The following MEGF9 variants were observed in gnomAD, a reference collection of about 807,000 sequenced individuals.
The protein encoded by MEGF9 is multiple epidermal growth factor-like domains protein 9.
In MEGF9, 6 loss-of-function variants were observed where a neutral mutation model predicts 46.8. The ratio of observed to expected loss-of-function variants is 0.13; its 90% CI spans 0.07 to 0.25. The LOEUF (loss-of-function observed/expected upper bound fraction) is 0.25, where lower values mean the gene tolerates loss of function less well. Ranked by LOEUF, MEGF9 falls within the 10% of genes least tolerant of loss-of-function variation. MEGF9 has a pLI of 1.00. For missense variants in MEGF9, 683 were observed against 792.4 expected, an observed-to-expected ratio of 0.86 and a Z score of 1.66; for synonymous variants, 302 against 330.7, an observed-to-expected ratio of 0.91 and a Z score of 0.94.
At chr9:120,606,729 T>C (rs958505980) in intron 5 of MEGF9, among the ~76,000 whole-genome samples, 6 of 152,280 alleles carry the variant, frequency 3.9e-5, no homozygotes, top group Non-Finnish European at 7.4e-5. Flanking sequence ...TTAAATGAAA[T>C]AATATACTAC....
At chr9:120,678,939 C>T (rs1043951999) in intron 1 of MEGF9, among the ~76,000 whole-genome samples, 45 of 152,182 alleles carry the variant, frequency 3.0e-4, no homozygotes, top group African/African-American at 1.1e-3. Context: ...CATCTCACAC[C>T]AGTTACAATG....
intron 2 of MEGF9, among the ~76,000 whole-genome samples, chr9:120,632,600 T>C (rs2043555399): frequency 6.6e-6 from 1 of 152,180 alleles, no homozygotes; most frequent in Non-Finnish European, 1.5e-5. Flanking sequence ...TTCTCTTGCC[T>C]AATTGCTCTG....
At chr9:120,607,607 C>A (rs923413250) in intron 5 of MEGF9, 134 bp downstream of exon 5, 2 of 948,728 alleles carry the variant, frequency 2.1e-6, no homozygotes, top group African/African-American at 3.3e-5. Flanking sequence ...TGGAAGGAAA[C>A]CTCTTTAGGC....
At chr9:120,682,417 A>G (rs1445227580) in intron 1 of MEGF9, among the ~76,000 whole-genome samples, 1 of 152,212 alleles carries the variant, frequency 6.6e-6, no homozygotes, top group East Asian at 1.9e-4. Flanking sequence ...ATTCATTCAG[A>G]GAAAAGTAGT....
chr9:120,628,561 C>T (rs1270500140), intron 2 of MEGF9, among the ~76,000 whole-genome samples: 1 of 126,318 alleles, frequency 7.9e-6, no homozygotes, highest in African/African-American at 2.8e-5. Flanking sequence ...TCAGCATTTA[C>T]ACCATGTCCC....
At chr9:120,691,813 C>T (rs1358466221) in intron 1 of MEGF9, among the ~76,000 whole-genome samples, 3 of 152,130 alleles carry the variant, frequency 2.0e-5, no homozygotes, top group Non-Finnish European at 4.4e-5. Context: ...CAAGGCTGAA[C>T]ATTACCGGTT....
intron 3 of MEGF9, among the ~76,000 whole-genome samples, chr9:120,615,980 T>A (rs987328951): frequency 6.6e-6 from 1 of 152,174 alleles, no homozygotes; most frequent in South Asian, 2.1e-4. Flanking sequence ...AAGGTGCATG[T>A]ACCTAAAGTA....
At chr9:120,668,092 G>C (rs1157176148) in intron 1 of MEGF9, among the ~76,000 whole-genome samples, 1 of 152,158 alleles carries the variant, frequency 6.6e-6, no homozygotes, top group Non-Finnish European at 1.5e-5. Context: ...GATTTCCTAA[G>C]TATATGGTGT....
At chr9:120,704,777 G>T (rs1048681292) in intron 1 of MEGF9, among the ~76,000 whole-genome samples, 2 of 152,154 alleles carry the variant, frequency 1.3e-5, no homozygotes, top group Non-Finnish European at 2.9e-5. Flanking sequence ...CTGCACACTT[G>T]TTAATTGCTA....
At chr9:120,686,190 T>C (rs796280000) in intron 1 of MEGF9, among the ~76,000 whole-genome samples, 1 of 151,336 alleles carries the variant, frequency 6.6e-6, no homozygotes, top group Non-Finnish European at 1.5e-5. Context: ...CCCAGGTTCA[T>C]GCCATTCTCC....
Position 120,603,376 on chromosome 9 carries a change from T to C in MEGF9, c.*1814A>G, listed in dbSNP as rs891275223. ...TAATATAATGTAACCTCTATTCTTCTGAGCAATGGCCAAATACGCAAAGCA... is the reference window on the plus strand; with the variant it reads ...TAATATAATGTAACCTCTATTCTTCCGAGCAATGGCCAAATACGCAAAGCA... On this transcript the variant is annotated 3_prime_UTR_variant, in exon 6 of 6. Coordinates refer to ENST00000373930, the MANE Select transcript of MEGF9 (RefSeq NM_001080497.3). 1.3e-5 allele frequency: 2 copies of C among 152,208 alleles called. No individual in the cohort carries two copies. Among genetic ancestry groups the C allele is most frequent in the African/African-American group, 4.8e-5 (2 of 41,452 alleles). The allele number at this position is 152,208 out of a possible 1,614,324, so 9.4% of individuals were successfully genotyped here. A position where few individuals can be genotyped will look rare whatever the true frequency, so the allele number is the denominator to read the frequency against.
At chr9:120,689,457 C>T (rs58456055) in intron 1 of MEGF9, among the ~76,000 whole-genome samples, 2,414 of 152,154 alleles carry the variant, frequency 0.016, 62 homozygotes, top group African/African-American at 0.055. Context: ...ATAATCAGAT[C>T]TACATCTTAG....
chr9:120,625,756 C>T (rs2043521762), intron 2 of MEGF9, among the ~76,000 whole-genome samples: 1 of 147,698 alleles, frequency 6.8e-6, no homozygotes, highest in African/African-American at 2.5e-5. Flanking sequence ...ATCGCTTGAA[C>T]CTGTGAGGTG....
At chr9:120,692,965 T>C (rs2043856519) in intron 1 of MEGF9, among the ~76,000 whole-genome samples, 1 of 152,158 alleles carries the variant, frequency 6.6e-6, no homozygotes, top group Non-Finnish European at 1.5e-5. Context: ...CATTCTGTAG[T>C]CTAATTTTCC....
intron 2 of MEGF9, among the ~76,000 whole-genome samples, chr9:120,642,269 T>C (rs544530397): frequency 1.3e-5 from 2 of 152,214 alleles, no homozygotes; most frequent in Non-Finnish European, 2.9e-5. Context: ...TATATTTCCA[T>C]AGGCCAGTAC....
At chr9:120,630,258 A>C (rs952882020) in intron 2 of MEGF9, among the ~76,000 whole-genome samples, 1 of 152,218 alleles carries the variant, frequency 6.6e-6, no homozygotes, top group Non-Finnish European at 1.5e-5. Flanking sequence ...TAGTTCCCAC[A>C]TAAGTAGGAA....
intron 1 of MEGF9, among the ~76,000 whole-genome samples, chr9:120,689,111 T>G (rs1474652975): frequency 1.3e-5 from 2 of 152,212 alleles, no homozygotes; most frequent in African/African-American, 4.8e-5. Flanking sequence ...TATCGTGTGA[T>G]AAGTATTGAA....
At chr9:120,708,823 T>A (rs7855860) in intron 1 of MEGF9, among the ~76,000 whole-genome samples, 3,609 of 152,302 alleles carry the variant, frequency 0.024, 152 homozygotes, top group African/African-American at 0.083. Flanking sequence ...TAAATTTAGT[T>A]AATGTCTCAG....
intron 3 of MEGF9, among the ~76,000 whole-genome samples, chr9:120,618,898 A>G (rs976668616): frequency 2.8e-4 from 39 of 137,338 alleles, no homozygotes; most frequent in African/African-American, 1.1e-3. Context: ...ACTCGGTCTC[A>G]AAAAAAAAAA....
Sources: allele counts gnomAD v4.1 joint callset (sites outside exome capture counted in the v4.1 genomes callset), GRCh38; gene constraint gnomAD v4.1.1; transcripts MANE v1.5; gene names NCBI Gene and HGNC (gene_info 2026-07-23, HGNC 2026-07-21).